Variants in NOL10 observed in about 807,000 individuals in gnomAD.
The protein encoded by NOL10 is H_NH0074G24.1.
In NOL10, 58 loss-of-function variants were observed where a neutral mutation model predicts 103.5. That is an observed-to-expected ratio of 0.56 (90% CI 0.45 to 0.70). The LOEUF (loss-of-function observed/expected upper bound fraction) is 0.70. Among genes scored for constraint, NOL10 ranks in the 30% least tolerant of loss-of-function variants. The pLI is 0.00. For synonymous variants in NOL10, 287 were observed against 282.5 expected (o/e 1.02, Z -0.16); for missense variants, 763 against 807.3 (o/e 0.95, Z 0.67).
intron 17 of NOL10, among the ~76,000 whole-genome samples, chr2:10,595,848 G>C (rs1675658147): frequency 6.6e-6 from 1 of 151,644 alleles, no homozygotes; most frequent in Non-Finnish European, 1.5e-5. Context: ...CAAGTGATCT[G>C]CCTGCCTTGG....
intron 13 of NOL10, among the ~76,000 whole-genome samples, chr2:10,638,325 G>A (rs199795999): frequency 0.014 from 1,757 of 127,172 alleles, 38 homozygotes; most frequent in African/African-American, 0.072. Context: ...GACGTGACGT[G>A]ACGTGACGTA....
intron 12 of NOL10, among the ~76,000 whole-genome samples, chr2:10,654,157 A>G (rs1275085275): frequency 1.3e-5 from 2 of 152,166 alleles, no homozygotes; most frequent in Non-Finnish European, 2.9e-5. Context: ...TAATCACATA[A>G]AAGAGCTAAA....
chr2:10,646,770 A>G (rs1679098455), intron 12 of NOL10, among the ~76,000 whole-genome samples: 1 of 152,204 alleles, frequency 6.6e-6, no homozygotes, highest in Non-Finnish European at 1.5e-5. Flanking sequence ...CAGTCTACCA[A>G]TTCCAAGGCT....
intron 17 of NOL10, among the ~76,000 whole-genome samples, chr2:10,590,421 C>T (rs1675332696): frequency 6.6e-6 from 1 of 152,188 alleles, no homozygotes; most frequent in Admixed American, 6.5e-5. Context: ...TTAAATAAAG[C>T]TTAGTTACTA....
chr2:10,592,148 G>A (rs1378823186), intron 17 of NOL10, among the ~76,000 whole-genome samples: 1 of 152,160 alleles, frequency 6.6e-6, no homozygotes, highest in Non-Finnish European at 1.5e-5. Context: ...GAGAGACAGG[G>A]CCTGAATTAG....
intron 1 of NOL10, 62 bp from the exon 2 acceptor site, chr2:10,684,674 C>A: frequency 1.6e-6 from 2 of 1,250,832 alleles, no homozygotes. Flanking sequence ...TTTCGGCTTG[C>A]AAAATCAATA....
chr2:10,615,896 C>T (rs1014071370), intron 13 of NOL10, among the ~76,000 whole-genome samples: 11 of 152,074 alleles, frequency 7.2e-5, no homozygotes, highest in Admixed American at 5.2e-4. Flanking sequence ...GCCCTATGTG[C>T]GGGGTGGGTG....
At chr2:10,652,640 A>G (rs1037099056) in intron 12 of NOL10, among the ~76,000 whole-genome samples, 1 of 151,988 alleles carries the variant, frequency 6.6e-6, no homozygotes, top group Admixed American at 6.6e-5. Context: ...GTCCATTCCC[A>G]TCCGGTTTCT....
intron 13 of NOL10, among the ~76,000 whole-genome samples, chr2:10,629,855 A>G (rs1677722885): frequency 6.6e-6 from 1 of 152,250 alleles, no homozygotes; most frequent in Admixed American, 6.5e-5. Context: ...TAAAAGCTAA[A>G]TAAAAGTCCA....
intron 9 of NOL10, 84 bp from the exon 10 acceptor site, chr2:10,659,334 A>G: frequency 7.9e-6 from 2 of 254,098 alleles, no homozygotes; most frequent in East Asian, 1.2e-4. Context: ...CTTCACTTCA[A>G]ATCTAATGGG....
At chr2:10,623,682 G>A (rs1360490584) in intron 13 of NOL10, among the ~76,000 whole-genome samples, 1 of 152,026 alleles carries the variant, frequency 6.6e-6, no homozygotes, top group Non-Finnish European at 1.5e-5. Context: ...TGTAACAAAT[G>A]TTTGTATAAT....
chr2:10,687,955 T>C (rs1049298232), intron 1 of NOL10, among the ~76,000 whole-genome samples: 35 of 152,164 alleles, frequency 2.3e-4, no homozygotes, highest in African/African-American at 8.4e-4. Flanking sequence ...GCTCACTACG[T>C]TCCTCCTCTC....
chr2:10,578,243 T>C (rs900131801), intron 19 of NOL10, among the ~76,000 whole-genome samples: 4 of 152,118 alleles, frequency 2.6e-5, no homozygotes, highest in African/African-American at 7.2e-5. Context: ...ATAATTCTCG[T>C]TTTTCCTTCA....
At chr2:10,662,582 A>T (rs1289808020) in intron 9 of NOL10, among the ~76,000 whole-genome samples, 1 of 151,850 alleles carries the variant, frequency 6.6e-6, no homozygotes, top group African/African-American at 2.4e-5. Flanking sequence ...AATTAGGCAA[A>T]CAGGAACAAG....
rs1417317829 is a variant in NOL10, at chr2:10,668,680, T to TCAGG, written c.504_507dup (p.Asn170ProfsTer7). 10 of 1,547,640 alleles carry TCAGG rather than the reference T, an allele frequency of 6.5e-6. No individual in the cohort carries two copies. The highest frequency in any genetic ancestry group is 2.7e-5 in the African/African-American group (2 of 73,938). On this transcript the variant is annotated frameshift_variant, in exon 7 of 21. Transcript: ENST00000381685. LOFTEE classifies it high-confidence loss of function. ...CACGCAGCATCAGTTTGTAGAGGAT[T>TCAGG]CAGGTATCGTCCTTGTTCTAAGTTT...
At chr2:10,668,447 T>G (rs1349998128) in intron 7 of NOL10, among the ~76,000 whole-genome samples, 1 of 152,160 alleles carries the variant, frequency 6.6e-6, no homozygotes, top group African/African-American at 2.4e-5. Context: ...TAAAGTTGAG[T>G]AGATGAAAAA....
intron 4 of NOL10, among the ~76,000 whole-genome samples, chr2:10,674,618 T>C (rs1410040991): frequency 6.6e-6 from 1 of 151,372 alleles, no homozygotes; most frequent in African/African-American, 2.4e-5. Context: ...GGCGGGTGGA[T>C]CACGAGGTCA....
intron 13 of NOL10, among the ~76,000 whole-genome samples, chr2:10,622,487 T>TAAAAAA (rs756956458): frequency 1.7e-5 from 1 of 58,812 alleles, no homozygotes. Context: ...AGAGCGTTTT[T>TAAAAAA]CAAAAAAAAA....
Position 10,572,247 on chromosome 2 carries a change from C to G in NOL10, c.1948-57G>C. 3.1e-6 allele frequency: 5 copies of G among 1,593,246 alleles called. No individual in the cohort carries two copies. The Admixed American group carries it at 8.5e-5, about 27-fold the overall frequency. ...AGAGAGAAAATTCTATACCTCTTTT[C>G]TGGTAACCGTCAGGCTGCCAACAGT... On this transcript the variant is annotated intron_variant, in intron 20 of 20. Transcript: ENST00000381685.
Sources: allele counts gnomAD v4.1 joint callset (sites outside exome capture counted in the v4.1 genomes callset), GRCh38; gene constraint gnomAD v4.1.1; transcripts MANE v1.5; gene names NCBI Gene and HGNC (gene_info 2026-07-23, HGNC 2026-07-21).